IRAG2: variants seen among roughly 807,000 people sequenced by gnomAD.
The protein encoded by IRAG2 is lymphoid restricted membrane protein.
A neutral mutation model predicts 69.9 loss-of-function variants in IRAG2; 45 were observed. The observed-to-expected ratio is 0.64, with a 90% CI of 0.51 to 0.83. The LOEUF (loss-of-function observed/expected upper bound fraction) is 0.83, where lower values mean the gene tolerates loss of function less well. Among genes scored for constraint, IRAG2 ranks in the 40% least tolerant of loss-of-function variants. The pLI is 0.00. For synonymous variants in IRAG2, 193 were observed against 202.4 expected (o/e 0.95, Z 0.40); for missense variants, 520 against 587.0 (o/e 0.89, Z 1.18).
Position 25,052,793 on chromosome 12 carries a change from G to A in IRAG2, c.-610G>A. ...ATCCAGCACTAACTATCCATGTCCA[G>A]GGTAAGGATCGAGATCGAGAAGCCC... On this transcript the variant is annotated 5_prime_UTR_variant, in exon 1 of 22. Transcript: ENST00000556887. 1 of 398,578 alleles carries A rather than the reference G, an allele frequency of 2.5e-6. No homozygotes were observed. Among genetic ancestry groups the A allele is most frequent in the Non-Finnish European group, 4.4e-6 (1 of 226,054 alleles). The allele number at this position is 398,578 out of a possible 1,614,324, so 24.7% of individuals were successfully genotyped here.
intron 2 of IRAG2, among the ~76,000 whole-genome samples, chr12:25,007,647 A>C (rs1188553541): frequency 6.7e-6 from 1 of 149,878 alleles, no homozygotes; most frequent in East Asian, 2.0e-4. Context: ...TCAGCCTCTC[A>C]AGTAGCTGGG....
At chr12:25,096,221 A>G (rs1036714983) in intron 14 of IRAG2, among the ~76,000 whole-genome samples, 1 of 152,190 alleles carries the variant, frequency 6.6e-6, no homozygotes, top group Admixed American at 6.5e-5. Context: ...GGTTTTATTG[A>G]CAGCCTTTTC....
upstream of IRAG2, among the ~76,000 whole-genome samples, chr12:24,999,374 G>A (rs370030018): frequency 7.2e-5 from 11 of 152,210 alleles, no homozygotes; most frequent in East Asian, 1.2e-3. Context: ...GTTTTGGATC[G>A]GGCAGATGGT....
chr12:24,998,768 C>T, the IRAG2 span, among the ~76,000 whole-genome samples: 76 of 152,158 alleles, frequency 5.0e-4, no homozygotes, highest in African/African-American at 1.8e-3. Context: ...GAATGATTGA[C>T]TGGCTTTCCT....
At chr12:25,094,384 T>C (rs1458553915) in intron 14 of IRAG2, among the ~76,000 whole-genome samples, 2 of 152,214 alleles carry the variant, frequency 1.3e-5, no homozygotes, top group Non-Finnish European at 2.9e-5. Context: ...TGGTTGAAGA[T>C]CATTTCATAT....
chr12:25,005,168 C>CAA (rs59249841), intron 1 of IRAG2: 135 of 668,332 alleles, frequency 2.0e-4, no homozygotes, highest in Non-Finnish European at 2.3e-4. Context: ...TTTGTTAAAC[C>CAA]AAAAAAAAAA....
At chr12:25,070,462 T>C (rs1385477519) in intron 6 of IRAG2, among the ~76,000 whole-genome samples, 1 of 152,238 alleles carries the variant, frequency 6.6e-6, no homozygotes. Flanking sequence ...TAGCATGATA[T>C]CAGTACTTCA....
At chr12:25,038,022 C>A in exon 16 of IRAG2, 1 of 398,810 alleles carries the variant, frequency 2.5e-6, no homozygotes, top group Non-Finnish European at 4.4e-6. Flanking sequence ...CATATTAATG[C>A]TGAACATCTT....
In IRAG2 at chr12:25,090,048, T is replaced by C. The variant is rs754062685; in HGVS notation, c.466-9T>C. On this transcript the variant is annotated splice_polypyrimidine_tract_variant and intron_variant, in intron 13 of 21. Transcript: ENST00000556887. ...CCTCTTCCTCACCCTCACATTATTT[T>C]GACAACAGGCAGAATTTCTCAGATT... 1 of 1,612,990 alleles carries C rather than the reference T, an allele frequency of 6.2e-7. No homozygotes were observed. The highest frequency in any genetic ancestry group is 8.5e-7 in the Non-Finnish European group (1 of 1,179,522).
chr12:25,054,317 C>G (rs939620305), intron 1 of IRAG2, among the ~76,000 whole-genome samples: 23 of 152,102 alleles, frequency 1.5e-4, no homozygotes, highest in Admixed American at 2.6e-4. Flanking sequence ...TAAGGCATTC[C>G]AAAGTTGGTT....
chr12:25,041,677 T>TG (rs1384987438), intron 16 of IRAG2, among the ~76,000 whole-genome samples: 3 of 150,630 alleles, frequency 2.0e-5, no homozygotes, highest in East Asian at 1.9e-4. Context: ...TTTTTGTTTT[T>TG]TTTTTTTTCA....
intron 16 of IRAG2, chr12:25,101,793 T>C (rs564575589): frequency 2.5e-4 from 99 of 389,968 alleles, no homozygotes; most frequent in Admixed American, 1.5e-3. Context: ...ATATCGTTTC[T>C]ATAAATCTTA....
chr12:25,050,465 G>T (rs569121722), upstream of IRAG2, among the ~76,000 whole-genome samples: 1 of 146,584 alleles, frequency 6.8e-6, no homozygotes, highest in South Asian at 2.3e-4. Context: ...GGAGCCAAAG[G>T]TTGCAGTGAG....
intron 16 of IRAG2, among the ~76,000 whole-genome samples, chr12:25,046,312 G>A (rs1391007022): frequency 6.6e-6 from 1 of 151,932 alleles, no homozygotes; most frequent in Non-Finnish European, 1.5e-5. Flanking sequence ...AAGCAAGGAT[G>A]CTCACTCTCA....
intron 6 of IRAG2, among the ~76,000 whole-genome samples, chr12:25,018,156 G>A (rs116393615): frequency 0.014 from 2,050 of 150,186 alleles, 56 homozygotes; most frequent in African/African-American, 0.048. Flanking sequence ...GAACATTTGT[G>A]CAGGAGTTTT....
At chr12:25,018,193 C>CTTTTTTTTTTTTTTTT (rs56659655) in intron 6 of IRAG2, among the ~76,000 whole-genome samples, 1 of 105,550 alleles carries the variant, frequency 9.5e-6, no homozygotes, top group African/African-American at 3.6e-5. Flanking sequence ...TTTCTTTCTT[C>CTTTTTTTTTTTTTTTT]TTTTTTTTTT....
At chr12:25,010,476 CA>C (rs11313967) in intron 2 of IRAG2, among the ~76,000 whole-genome samples, 88,449 of 149,012 alleles carry the variant, frequency 0.59, 26,351 homozygotes, top group Admixed American at 0.68. Flanking sequence ...AAAAAACAAA[CA>C]AAAAAAAAAA....
chr12:25,070,122 C>A (rs1946240498), intron 6 of IRAG2, among the ~76,000 whole-genome samples: 1 of 152,176 alleles, frequency 6.6e-6, no homozygotes, highest in Non-Finnish European at 1.5e-5. Flanking sequence ...ATATAATTCA[C>A]CCACCAGACA....
Position 25,004,453 on chromosome 12 carries a change from A to G in IRAG2, c.112A>G (p.Ile38Val), listed in dbSNP as rs534071880. ...AGCAATTTCAAATCCAATTCAGCAG[A>G]TTATCAAATACCAATCTAGCAGTTT... The change falls in exon 1 of 39, where the codon ATT (isoleucine) becomes GTT (valine). Residue 38 changes from isoleucine to valine, a missense_variant. Ile to Val is a conservative substitution (Grantham distance 29, BLOSUM62 3). Coordinates refer to the IRAG2 transcript ENST00000636465. The G allele has an allele frequency of 3.9e-5, 48 of 1,232,140 alleles. No individual in the cohort carries two copies. The African/African-American group carries it at 6.4e-4, about 16-fold the overall frequency. 76.3% of individuals were successfully genotyped at this position (1,232,140 alleles called of 1,614,324 possible).
Sources: allele counts gnomAD v4.1 joint callset (sites outside exome capture counted in the v4.1 genomes callset), GRCh38; gene constraint gnomAD v4.1.1; transcripts MANE v1.5; gene names NCBI Gene and HGNC (gene_info 2026-07-23, HGNC 2026-07-21).